Variants in RBFOX3 observed in about 807,000 individuals in gnomAD.
RBFOX3 encodes the protein RNA binding protein fox-1 homolog 3.
A neutral mutation model predicts 48.7 loss-of-function variants in RBFOX3; 17 were observed. The observed-to-expected ratio is 0.35, with a 90% CI of 0.24 to 0.52. The LOEUF (loss-of-function observed/expected upper bound fraction) is 0.52. Ranked by LOEUF, RBFOX3 falls within the 20% of genes least tolerant of loss-of-function variation. The probability of loss-of-function intolerance (pLI) is 0.94; values close to 1 mark genes in which losing one functional copy is unlikely to be tolerated. For synonymous variants in RBFOX3, 212 were observed against 209.5 expected (o/e 1.01, Z -0.10); for missense variants, 382 against 497.5 (o/e 0.77, Z 2.21).
intron 2 of RBFOX3, among the ~76,000 whole-genome samples, chr17:79,378,155 G>A (rs910449721): frequency 6.6e-6 from 1 of 152,058 alleles, no homozygotes; most frequent in African/African-American, 2.4e-5. Context: ...GGGTCCCAGC[G>A]GGTCTCCACC....
chr17:79,508,742 AC>A (rs1405220970), intron 1 of RBFOX3: 1 of 151,538 alleles, frequency 6.6e-6, no homozygotes, highest in Non-Finnish European at 1.5e-5. Flanking sequence ...CACTCCGCAC[AC>A]CCCACACACC....
chr17:79,112,729 C>G (rs367832508), intron 5 of RBFOX3, among the ~76,000 whole-genome samples: 2 of 152,092 alleles, frequency 1.3e-5, no homozygotes, highest in Non-Finnish European at 2.9e-5. Flanking sequence ...CAAGCTCCCC[C>G]TCTCCACTGC....
At chr17:79,126,374 C>G (rs2037283792) in intron 4 of RBFOX3, among the ~76,000 whole-genome samples, 1 of 152,170 alleles carries the variant, frequency 6.6e-6, no homozygotes, top group Admixed American at 6.5e-5. Flanking sequence ...AGGCAGGTAC[C>G]CGATGTGAGC....
At chr17:79,487,541 C>T (rs1391226022) in intron 1 of RBFOX3, among the ~76,000 whole-genome samples, 4 of 152,278 alleles carry the variant, frequency 2.6e-5, no homozygotes, top group East Asian at 1.9e-4. Flanking sequence ...CGTGCCCCAG[C>T]GCCTGGCCAA....
intron 4 of RBFOX3, among the ~76,000 whole-genome samples, chr17:79,141,421 G>A (rs1415511881): frequency 1.3e-5 from 2 of 152,302 alleles, no homozygotes; most frequent in East Asian, 3.9e-4. Context: ...GCTCCGGGAG[G>A]GTCTCTTCTG....
chr17:79,378,818 T>A (rs972560759), intron 2 of RBFOX3, among the ~76,000 whole-genome samples: 3 of 152,194 alleles, frequency 2.0e-5, no homozygotes, highest in Non-Finnish European at 4.4e-5. Context: ...CGGAACCCTT[T>A]CCCCACTGAA....
chr17:79,269,615 TC>T (rs67611974), intron 3 of RBFOX3, among the ~76,000 whole-genome samples: 17,277 of 151,792 alleles, frequency 0.11, 1,059 homozygotes, highest in South Asian at 0.16. Context: ...TTCTCTGTTC[TC>T]CCCCTACCTG....
chr17:79,515,953 A>G (rs1438289882), intron 1 of RBFOX3: 1 of 152,218 alleles, frequency 6.6e-6, no homozygotes, highest in African/African-American at 2.4e-5. Context: ...CGAGGCGCTC[A>G]CCTCCAGGAC....
intron 3 of RBFOX3, among the ~76,000 whole-genome samples, chr17:79,238,937 T>C (rs4789874): frequency 0.6 from 90,497 of 151,968 alleles, 27,723 homozygotes; most frequent in Middle Eastern, 0.66. Flanking sequence ...GTTTTCCTGG[T>C]TCTTCGGGCC....
intron 2 of RBFOX3, among the ~76,000 whole-genome samples, chr17:79,337,433 C>T (rs7212425): frequency 0.83 from 126,644 of 152,144 alleles, 53,090 homozygotes; most frequent in Non-Finnish European, 0.89. Flanking sequence ...CTCAGGTCCC[C>T]GTGGGCACAT....
At chr17:79,328,040 C>T (rs928742182) in intron 2 of RBFOX3, among the ~76,000 whole-genome samples, 1 of 152,214 alleles carries the variant, frequency 6.6e-6, no homozygotes, top group Non-Finnish European at 1.5e-5. Context: ...AAAACCTGAC[C>T]TTGCTCTGGG....
intron 4 of RBFOX3, among the ~76,000 whole-genome samples, chr17:79,127,302 T>G (rs1394255018): frequency 2.0e-5 from 3 of 151,656 alleles, no homozygotes; most frequent in African/African-American, 7.3e-5. Context: ...AAGAGCAGAG[T>G]GGGTAGTTTC....
intron 1 of RBFOX3, among the ~76,000 whole-genome samples, chr17:79,498,524 C>T (rs1414434300): frequency 6.6e-6 from 1 of 150,944 alleles, no homozygotes; most frequent in East Asian, 2.0e-4. Flanking sequence ...CATCCACTCA[C>T]TCACCCATCC....
rs2057222570 is a variant in RBFOX3 at position 79,363,090 on chromosome 17, T to G, written c.-174-55266A>C. Among the ~76,000 whole-genome samples, 1 of 152,128 alleles carries G rather than the reference T, an allele frequency of 6.6e-6. No homozygotes were observed. Among genetic ancestry groups the G allele is most frequent in the Non-Finnish European group, 1.5e-5 (1 of 68,022 alleles). On this transcript the variant is annotated intron_variant, in intron 2 of 14. Transcript: ENST00000693108. The surrounding 1 kb of genome is among the most constrained non-coding windows in gnomAD (Gnocchi z 4.7). ...GGCATGACGCTTGCACATGCGAGGT[T>G]TCTGGGCCATAGTGAGCCGCAGGGG...
intron 2 of RBFOX3, among the ~76,000 whole-genome samples, chr17:79,313,830 A>T (rs185572162): frequency 6.6e-6 from 1 of 152,260 alleles, no homozygotes; most frequent in African/African-American, 2.4e-5. Flanking sequence ...TGAGCCCACC[A>T]CAACCCCCAC....
chr17:79,620,429 GTGCACACATGCACA>G, the RBFOX3 span, among the ~76,000 whole-genome samples: 3,466 of 111,602 alleles, frequency 0.031, 50 homozygotes, highest in Middle Eastern at 0.13. Context: ...ACACACGCAC[GTGCACACATGCACA>G]TGCACACATG....
intron 2 of RBFOX3, among the ~76,000 whole-genome samples, chr17:79,379,732 G>A (rs140324612): frequency 8.5e-5 from 13 of 152,218 alleles, no homozygotes; most frequent in African/African-American, 1.2e-4. Flanking sequence ...CTGCGCCCCC[G>A]AAGATGGCTT....
chr17:79,150,672 C>G (rs7503192), intron 4 of RBFOX3, among the ~76,000 whole-genome samples: 97,858 of 151,978 alleles, frequency 0.64, 31,875 homozygotes, highest in Non-Finnish European at 0.69. Flanking sequence ...GCAGGGGCAA[C>G]AGATTCACCT....
chr17:79,183,907 TC>T (rs2052801049), intron 4 of RBFOX3, among the ~76,000 whole-genome samples: 1 of 151,900 alleles, frequency 6.6e-6, no homozygotes, highest in Admixed American at 6.5e-5. Context: ...TGCGCGCCCC[TC>T]CTCCCCCCCG....
Sources: gnomAD v4.1 joint callset for allele counts (sites outside exome capture counted in the v4.1 genomes callset) on GRCh38, gnomAD v4.1.1 for gene constraint, Gnocchi (gnomAD v3.1) non-coding constraint, MANE v1.5 for transcripts, NCBI Gene and HGNC (gene_info 2026-07-23, HGNC 2026-07-21) for gene names.